Variants in BRAF observed in about 807,000 individuals in gnomAD.
BRAF encodes B-Raf proto-oncogene, serine/threonine kinase.
In BRAF, 16 loss-of-function variants were observed where a neutral mutation model predicts 104.6. That is an observed-to-expected ratio of 0.15 (90% CI 0.10 to 0.23). BRAF has a LOEUF of 0.23. BRAF is among the 10% of genes least tolerant of loss of function. The pLI is 1.00. For synonymous variants in BRAF, 310 were observed against 341.6 expected, an observed-to-expected ratio of 0.91 and a Z score of 1.02; for missense variants, 541 against 937.3, an observed-to-expected ratio of 0.58 and a Z score of 5.52.
At chr7:140,784,063 A>T (rs1801128298) in intron 10 of BRAF, among the ~76,000 whole-genome samples, 1 of 152,186 alleles carries the variant, frequency 6.6e-6, no homozygotes, top group African/African-American at 2.4e-5. Flanking sequence ...TGGGGCCTGA[A>T]TACAGCTGAG....
intron 8 of BRAF, among the ~76,000 whole-genome samples, chr7:140,793,353 A>G (rs772033816): frequency 2.6e-5 from 4 of 152,154 alleles, no homozygotes; most frequent in Non-Finnish European, 4.4e-5. Context: ...GTCTTGCTAG[A>G]TAGAGGTGAA....
intron 7 of BRAF, among the ~76,000 whole-genome samples, chr7:140,797,526 T>C (rs1332559071): frequency 6.6e-6 from 1 of 152,218 alleles, no homozygotes; most frequent in Non-Finnish European, 1.5e-5. Context: ...TGGAGTTATG[T>C]CATAAAAACA....
chr7:140,743,374 C>G (rs1236030004), intron 17 of BRAF, among the ~76,000 whole-genome samples: 1 of 152,076 alleles, frequency 6.6e-6, no homozygotes, highest in East Asian at 1.9e-4. Flanking sequence ...ACATATACAC[C>G]ATGGAATACT....
intron 3 of BRAF, among the ~76,000 whole-genome samples, chr7:140,809,435 G>A (rs911015845): frequency 3.3e-5 from 5 of 152,132 alleles, no homozygotes; most frequent in East Asian, 1.9e-4. Flanking sequence ...TAAACATAGC[G>A]GGAAGAAAAA....
chr7:140,838,000 T>A (rs185111025), intron 2 of BRAF, among the ~76,000 whole-genome samples: 119 of 152,262 alleles, frequency 7.8e-4, no homozygotes, highest in Non-Finnish European at 1.3e-3. Flanking sequence ...TCCCTTTTCC[T>A]CTGTTTTCTC....
downstream of BRAF, among the ~76,000 whole-genome samples, chr7:140,714,359 G>A (rs993866148): frequency 1.5e-4 from 23 of 152,142 alleles, no homozygotes; most frequent in Non-Finnish European, 2.6e-4. Flanking sequence ...TCTACCCACA[G>A]ATCTGTATCT....
rs2130869321 is a variant in BRAF, at chr7:140,734,746, C to G, written c.2272G>C (p.Ala758Pro). 1.3e-6 allele frequency: 2 copies of G among 1,586,082 alleles called. No homozygotes were observed. Among genetic ancestry groups the G allele is most frequent in the Non-Finnish European group, 1.7e-6 (2 of 1,172,268 alleles). The part of the protein sequence containing the change: ...PQILASIELL[A>P]RSLPKIHRSA... ...CGGTGAATTTTTGGCAATGAGCGGG[C>G]CAGCAGCTCAATAGAGGCGAGAATC... Residue 758 changes from alanine to proline, a missense_variant, in exon 19 of 20, where the codon GCC (alanine) becomes CCC (proline). Around this residue, in one of 10 missense-constraint regions of BRAF, gnomAD observed 129 missense variants for 285.8 expected, o/e 0.45. Transcript: ENST00000644969.
At chr7:140,833,260 G>C (rs2129061343) in intron 3 of BRAF, among the ~76,000 whole-genome samples, 1 of 152,268 alleles carries the variant, frequency 6.6e-6, no homozygotes, top group East Asian at 1.9e-4. Flanking sequence ...TTTGTATACA[G>C]AAACTCACAA....
chr7:140,898,852 T>C (rs1815262449), intron 1 of BRAF, among the ~76,000 whole-genome samples: 1 of 152,230 alleles, frequency 6.6e-6, no homozygotes, highest in South Asian at 2.1e-4. Context: ...TTTTAAACTG[T>C]TTACGAATAG....
At chr7:140,740,892 C>T (rs185877299) in intron 17 of BRAF, 1 of 152,312 alleles carries the variant, frequency 6.6e-6, no homozygotes, top group East Asian at 1.9e-4. Flanking sequence ...GAAAGAGTTA[C>T]TGAATTGAGG....
At chr7:140,908,170 CTCT>C (rs1437196676) in intron 1 of BRAF, among the ~76,000 whole-genome samples, 3 of 152,090 alleles carry the variant, frequency 2.0e-5, no homozygotes, top group Non-Finnish European at 4.4e-5. Context: ...TGTTTCTGCT[CTCT>C]TCTTATTCAC....
intron 1 of BRAF, among the ~76,000 whole-genome samples, chr7:140,870,724 C>A (rs1186676607): frequency 6.6e-6 from 1 of 151,862 alleles, no homozygotes; most frequent in Non-Finnish European, 1.5e-5. Flanking sequence ...AACGGAACCA[C>A]GAAGAGCACT....
intron 3 of BRAF, among the ~76,000 whole-genome samples, chr7:140,811,162 CGACT>C (rs1345775366): frequency 6.6e-6 from 1 of 152,150 alleles, no homozygotes; most frequent in Non-Finnish European, 1.5e-5. Context: ...GGTTACGTAT[CGACT>C]GACTGATGAA....
At position 140,719,601 on chromosome 7, in the gene BRAF, G is replaced by A; in HGVS notation, c.*6893C>T. ...GGAAAGAGAACCAAAGTATCAGGAA[G>A]TGGGTATGGGGGAGAATTAAAAAAA... On this transcript the variant is annotated 3_prime_UTR_variant, in exon 20 of 20. Coordinates refer to ENST00000644969, the MANE Select transcript of BRAF (RefSeq NM_001374258.1). 9.4e-7 allele frequency: 1 copy of A among 1,061,608 alleles called. No homozygotes were observed. The highest frequency in any genetic ancestry group is 1.1e-6 in the Non-Finnish European group (1 of 876,516). 65.8% of individuals were successfully genotyped at this position (1,061,608 alleles called of 1,614,324 possible). A position where few individuals can be genotyped will look rare whatever the true frequency, so the allele number is the denominator to read the frequency against.
chr7:140,752,298 C>G (rs1021023339), intron 16 of BRAF, among the ~76,000 whole-genome samples: 2 of 152,154 alleles, frequency 1.3e-5, no homozygotes, highest in Admixed American at 6.5e-5. Context: ...TCCCAGGTAG[C>G]TGGAACTATG....
intron 2 of BRAF, among the ~76,000 whole-genome samples, chr7:140,838,908 G>GATA: frequency 6.6e-6 from 1 of 152,188 alleles, no homozygotes; most frequent in Non-Finnish European, 1.5e-5. Flanking sequence ...TTTAGAATCA[G>GATA]ATAGTGGTGA....
Position 140,914,523 on chromosome 7 carries a change from T to G in BRAF, c.138+10043A>C, listed in dbSNP as rs984676605. Among the ~76,000 whole-genome samples the G allele has an allele frequency of 9.2e-5, 14 of 152,348 alleles. No homozygotes were observed. The East Asian group carries it at 2.5e-3, about 27-fold the overall frequency. On this transcript the variant is annotated intron_variant, in intron 1 of 19. Transcript: ENST00000644969. The stretch of plus-strand genomic sequence containing the variant: ...ATCATAATCTCTTCCCTATTTGATG[T>G]TCTCTGACACTATTCCCATGGAAGT...
intron 18 of BRAF, among the ~76,000 whole-genome samples, chr7:140,739,216 T>C (rs965596090): frequency 2.6e-5 from 4 of 152,100 alleles, no homozygotes; most frequent in African/African-American, 9.7e-5. Context: ...TAAGATATCA[T>C]TTGCCTTTTT....
At chr7:140,717,546 TCA>T (rs1170789730), downstream of BRAF, among the ~76,000 whole-genome samples, 1 of 152,156 alleles carries the variant, frequency 6.6e-6, no homozygotes, top group Non-Finnish European at 1.5e-5. Flanking sequence ...TGAGCCCAAC[TCA>T]GTGTTAAGAA....
Sources: allele counts gnomAD v4.1 joint callset (sites outside exome capture counted in the v4.1 genomes callset), GRCh38; gene constraint gnomAD v4.1.1; regional missense constraint gnomAD v4.1.1; transcripts MANE v1.5; gene names NCBI Gene and HGNC (gene_info 2026-07-23, HGNC 2026-07-21).